TACC1: variants seen among roughly 807,000 people sequenced by gnomAD.
TACC1 encodes transforming acidic coiled-coil-containing protein 1.
TACC1 carries 48 observed loss-of-function variants against 84.4 expected under a neutral mutation model. That is an observed-to-expected ratio of 0.57 (90% CI 0.45 to 0.72). The LOEUF is 0.72. TACC1 is among the 30% of genes least tolerant of loss of function. The pLI is 0.00. For synonymous variants in TACC1, 372 were observed against 376.3 expected (o/e 0.99, Z 0.13); for missense variants, 920 against 973.0 (o/e 0.95, Z 0.72).
At chr8:38,826,045 C>T (rs930341896) in intron 4 of TACC1, among the ~76,000 whole-genome samples, 21 of 152,334 alleles carry the variant, frequency 1.4e-4, no homozygotes, top group African/African-American at 5.1e-4. Context: ...CCAGGCCCAT[C>T]TGATTGCAAT....
In TACC1 at chr8:38,842,462, C is replaced by T; in HGVS notation, c.2121+15C>T. 1.9e-6 allele frequency: 3 copies of T among 1,594,782 alleles called. No individual in the cohort carries two copies. Among genetic ancestry groups the T allele is most frequent in the Non-Finnish European group, 2.6e-6 (3 of 1,171,000 alleles). ...GGTTCAAGAAGGTAGAGTGTTTTTT[C>T]CCTCTGTCTCCTGGTGTATTTCCAG... On this transcript the variant is annotated intron_variant, in intron 10 of 12. Transcript: ENST00000317827.
chr8:38,757,287 G>T (rs1430996695), intron 3 of TACC1: 40 of 1,223,478 alleles, frequency 3.3e-5, no homozygotes, highest in Non-Finnish European at 4.2e-5. Context: ...ACAGCCGCCC[G>T]CCGCCCAGCA....
At chr8:38,772,809 A>T (rs1813912509) in intron 3 of TACC1, among the ~76,000 whole-genome samples, 1 of 152,044 alleles carries the variant, frequency 6.6e-6, no homozygotes, top group African/African-American at 2.4e-5. Flanking sequence ...ATTAATATAA[A>T]CAATAAATTG....
intron 2 of TACC1, among the ~76,000 whole-genome samples, chr8:38,817,935 A>C (rs1229197421): frequency 8.0e-5 from 12 of 149,574 alleles, no homozygotes; most frequent in African/African-American, 2.2e-4. Context: ...AAAAAAAAAA[A>C]AAAAAAAAAA....
At chr8:38,760,921 G>A (rs1811093174) in intron 3 of TACC1, among the ~76,000 whole-genome samples, 1 of 152,190 alleles carries the variant, frequency 6.6e-6, no homozygotes. Flanking sequence ...GCACATGTAT[G>A]TACCCATGAA....
intron 2 of TACC1, among the ~76,000 whole-genome samples, chr8:38,801,899 A>G (rs1454085077): frequency 6.6e-6 from 1 of 152,050 alleles, no homozygotes; most frequent in Non-Finnish European, 1.5e-5. Flanking sequence ...GCTTCAAGCA[A>G]TGTTTTTTGT....
At position 38,849,574 on chromosome 8, in the gene TACC1, C is replaced by T. The variant is rs915660948; in HGVS notation, c.*1551C>T. On this transcript the variant is annotated 3_prime_UTR_variant, in exon 13 of 13. Transcript: ENST00000317827. ...GCAATGAATTGTGCCTAGTGGAGAA[C>T]CTCTATAGATCTTAAAAAATGAATT... is the stretch of plus-strand genomic sequence containing the variant. The T allele has an allele frequency of 6.6e-6, 1 of 152,172 alleles. No individual in the cohort carries two copies. Among genetic ancestry groups the T allele is most frequent in the Non-Finnish European group, 1.5e-5 (1 of 68,028 alleles). 9.4% of individuals were successfully genotyped at this position (152,172 alleles called of 1,614,324 possible).
chr8:38,846,487 G>A lies in TACC1; in HGVS notation c.2229-212G>A, dbSNP rs1588171944. 11 of 466,234 alleles carry A rather than the reference G, an allele frequency of 2.4e-5. No homozygotes were observed. In the East Asian group the frequency reaches 4.4e-4, roughly 19 times the overall value. The allele number at this position is 466,234 out of a possible 1,614,324, so 28.9% of individuals were successfully genotyped here. On this transcript the variant is annotated intron_variant, in intron 11 of 12. Coordinates refer to ENST00000317827, the MANE Select transcript of TACC1 (RefSeq NM_006283.3). ...ACTGTTATAGAAACCATTTGCTAGT[G>A]AGATACAAATTTTGAAGTTGTCTGT...
chr8:38,835,558 T>C (rs1396066899), intron 6 of TACC1, among the ~76,000 whole-genome samples: 1 of 152,204 alleles, frequency 6.6e-6, no homozygotes. Flanking sequence ...CCCAGCAGGC[T>C]GGGTTACAGC....
At chr8:38,840,020 C>T (rs1281511282) in intron 8 of TACC1, 3 of 258,586 alleles carry the variant, frequency 1.2e-5, no homozygotes, top group Non-Finnish European at 2.0e-5. Flanking sequence ...AAAATCTTAA[C>T]AAAAACCTTT....
chr8:38,765,259 T>C (rs1812022868), intron 3 of TACC1, among the ~76,000 whole-genome samples: 1 of 152,120 alleles, frequency 6.6e-6, no homozygotes, highest in Admixed American at 6.5e-5. Flanking sequence ...CACACATGTA[T>C]TGGGCACTTG....
chr8:38,763,005 T>C (rs1273664448), intron 3 of TACC1, among the ~76,000 whole-genome samples: 3 of 152,196 alleles, frequency 2.0e-5, no homozygotes, highest in Non-Finnish European at 4.4e-5. Flanking sequence ...AAAACTGTCT[T>C]CCATAGTGGC....
intron 2 of TACC1, among the ~76,000 whole-genome samples, chr8:38,816,596 C>CA (rs1344342594): frequency 2.0e-5 from 3 of 152,316 alleles, no homozygotes; most frequent in Non-Finnish European, 4.4e-5. Context: ...TAGAACAACT[C>CA]ACAGAACTCA....
At chr8:38,812,691 A>T (rs912470588) in intron 2 of TACC1, among the ~76,000 whole-genome samples, 1 of 152,294 alleles carries the variant, frequency 6.6e-6, no homozygotes, top group East Asian at 1.9e-4. Context: ...TTGCTCTTAG[A>T]ATAGAACCAG....
chr8:38,746,245 C>T (rs1713165481), intron 3 of TACC1, among the ~76,000 whole-genome samples: 1 of 152,186 alleles, frequency 6.6e-6, no homozygotes, highest in South Asian at 2.1e-4. Flanking sequence ...AGAAATGGGA[C>T]ATTTCATCAG....
intron 6 of TACC1, among the ~76,000 whole-genome samples, chr8:38,833,362 C>A (rs1056221133): frequency 4.6e-5 from 7 of 152,214 alleles, no homozygotes. Context: ...TTTTGATAAG[C>A]AACTTAAAGG....
At chr8:38,765,628 T>C (rs1812093457) in intron 3 of TACC1, among the ~76,000 whole-genome samples, 1 of 152,220 alleles carries the variant, frequency 6.6e-6, no homozygotes, top group African/African-American at 2.4e-5. Context: ...CTTTTCACTC[T>C]CTTTCATTCA....
chr8:38,781,378 ATTC>A (rs1280145654), intron 3 of TACC1, among the ~76,000 whole-genome samples: 11 of 148,406 alleles, frequency 7.4e-5, no homozygotes, highest in East Asian at 3.9e-4. Flanking sequence ...GAGAAGAAAT[ATTC>A]TTCTTTTTTT....
upstream of TACC1, among the ~76,000 whole-genome samples, chr8:38,783,478 G>A (rs1816548177): frequency 6.6e-6 from 1 of 151,316 alleles, no homozygotes; most frequent in African/African-American, 2.4e-5. Context: ...CTGAAGTACA[G>A]TGGCATGATC....
Sources: allele counts gnomAD v4.1 joint callset (sites outside exome capture counted in the v4.1 genomes callset), GRCh38; gene constraint gnomAD v4.1.1; transcripts MANE v1.5; gene names NCBI Gene and HGNC (gene_info 2026-07-23, HGNC 2026-07-21).